Variants in RNGTT observed in about 807,000 individuals in gnomAD.
The protein encoded by RNGTT is RNA guanylyltransferase and 5'-phosphatase.
A neutral mutation model predicts 79.3 loss-of-function variants in RNGTT; 33 were observed. The ratio of observed to expected loss-of-function variants is 0.42; its 90% CI spans 0.32 to 0.56. The LOEUF (loss-of-function observed/expected upper bound fraction) is 0.56. Ranked by LOEUF, RNGTT falls within the 20% of genes least tolerant of loss-of-function variation. The pLI is 0.17. For missense variants in RNGTT, 497 were observed against 739.1 expected, an observed-to-expected ratio of 0.67 and a Z score of 3.80; for synonymous variants, 222 against 235.9, an observed-to-expected ratio of 0.94 and a Z score of 0.54.
chr6:88,618,727 T>G (rs372384949), intron 14 of RNGTT, among the ~76,000 whole-genome samples: 4 of 152,326 alleles, frequency 2.6e-5, no homozygotes, highest in South Asian at 4.1e-4. Flanking sequence ...TTTTATACTA[T>G]TTGAATCTAT....
intron 10 of RNGTT, 138 bp downstream of exon 10, chr6:88,849,616 TA>T (rs549427284): frequency 4.5e-4 from 278 of 616,164 alleles, no homozygotes; most frequent in African/African-American, 2.7e-3. Context: ...ATAAAAGGAT[TA>T]AAAAAAAGAT....
intron 8 of RNGTT, among the ~76,000 whole-genome samples, chr6:88,867,015 G>GTTTC (rs1782196241): frequency 1.3e-5 from 2 of 152,150 alleles, no homozygotes; most frequent in Non-Finnish European, 1.5e-5. Flanking sequence ...AATAGCATTA[G>GTTTC]CATCTCCTGG....
At position 88,721,940 on chromosome 6, in the gene RNGTT, TTCTC is replaced by T. The variant is rs566781568; in HGVS notation, c.1440-43525_1440-43522del. ...CAATGCTACCTTTTTAAATCTTGTT[TTCTC>T]TCTATTAGACTTAGGAACAACTAAG... On this transcript the variant is annotated intron_variant, in intron 13 of 15. Transcript: ENST00000369485. 5.6e-3 allele frequency among the ~76,000 whole-genome samples: 858 copies of T among 152,136 alleles called. 7 individuals are homozygous for T. The highest frequency in any genetic ancestry group is 7.6e-3 in the Non-Finnish European group (518 of 67,958).
At chr6:88,801,989 T>C (rs964907232) in intron 11 of RNGTT, among the ~76,000 whole-genome samples, 1 of 151,876 alleles carries the variant, frequency 6.6e-6, no homozygotes, top group Non-Finnish European at 1.5e-5. Flanking sequence ...AAGAAAGACA[T>C]AGAAGCAAAA....
rs1439126586 is a variant in RNGTT at position 88,863,455 on chromosome 6, T to C, written c.897-9691A>G. 2.0e-5 allele frequency among the ~76,000 whole-genome samples: 3 copies of C among 152,180 alleles called. No homozygotes were observed. The East Asian group carries it at 5.8e-4, about 29-fold the overall frequency. On this transcript the variant is annotated intron_variant, in intron 8 of 15. Transcript: ENST00000369485. ...AACTTTCATTTTAATTTTAGTTAAT[T>C]CATCACAAGTAAATTTTGAAGACGT...
intron 4 of RNGTT, among the ~76,000 whole-genome samples, chr6:88,916,146 C>T (rs1214958069): frequency 2.0e-5 from 3 of 152,116 alleles, no homozygotes; most frequent in Non-Finnish European, 4.4e-5. Flanking sequence ...AACTGGAACC[C>T]TCATACTGTG....
intron 9 of RNGTT, among the ~76,000 whole-genome samples, 172 bp from the exon 10 acceptor site, chr6:88,849,998 CA>C (rs1371927410): frequency 6.6e-6 from 1 of 151,772 alleles, no homozygotes; most frequent in Non-Finnish European, 1.5e-5. Flanking sequence ...GTTAGCCCCC[CA>C]TCCCCATCAT....
Position 88,610,752 on chromosome 6 carries a change from T to C in RNGTT, c.*1967A>G, listed in dbSNP as rs1393269287. 1 of 152,220 alleles carries C rather than the reference T, an allele frequency of 6.6e-6. No homozygotes were observed. Among genetic ancestry groups the C allele is most frequent in the African/African-American group, 2.4e-5 (1 of 41,458 alleles). The allele number at this position is 152,220 out of a possible 1,614,324, so 9.4% of individuals were successfully genotyped here. On this transcript the variant is annotated 3_prime_UTR_variant, in exon 16 of 16. Transcript: ENST00000369485. ...TCTGGGTGTATTAAAAGTGAGATGC[T>C]CTTTTCACGTAACTCATTTGAAAGG... is the stretch of plus-strand genomic sequence containing the variant.
chr6:88,864,544 T>C (rs1782110166), intron 8 of RNGTT, among the ~76,000 whole-genome samples: 1 of 152,068 alleles, frequency 6.6e-6, no homozygotes, highest in Admixed American at 6.6e-5. Context: ...CTCTTACTAA[T>C]TATGTAACTT....
At chr6:88,898,100 C>G (rs1783315071) in intron 6 of RNGTT, among the ~76,000 whole-genome samples, 1 of 152,042 alleles carries the variant, frequency 6.6e-6, no homozygotes, top group Non-Finnish European at 1.5e-5. Context: ...TATGCTGAGT[C>G]CTGAGTTATT....
intron 8 of RNGTT, among the ~76,000 whole-genome samples, chr6:88,884,717 A>T (rs1408119789): frequency 6.6e-6 from 1 of 152,088 alleles, no homozygotes; most frequent in Non-Finnish European, 1.5e-5. Flanking sequence ...TTGTATTACA[A>T]ATGAAAACTA....
At chr6:88,790,913 A>G (rs949516109) in intron 12 of RNGTT, among the ~76,000 whole-genome samples, 5 of 152,184 alleles carry the variant, frequency 3.3e-5, no homozygotes, top group African/African-American at 4.8e-5. Flanking sequence ...TTTTACAAAG[A>G]CAGAATCAGA....
chr6:88,955,663 G>A (rs1785403076), intron 1 of RNGTT, among the ~76,000 whole-genome samples: 1 of 151,648 alleles, frequency 6.6e-6, no homozygotes, highest in African/African-American at 2.4e-5. Context: ...AAACCCAGCA[G>A]AAGAAAAGAA....
Position 88,949,159 on chromosome 6 carries a change from GAAAAA to G in RNGTT, c.65-7984_65-7980del. ...AATAAAAAATAAAATAAAATAAAAT[GAAAAA>G]AAAAAAAAAAAAAAGAAAATGAAAA... On this transcript the variant is annotated intron_variant, in intron 1 of 15. Coordinates refer to ENST00000369485, the MANE Select transcript of RNGTT (RefSeq NM_003800.5). 1.6e-4 allele frequency among the ~76,000 whole-genome samples: 8 copies of G among 50,512 alleles called. No individual in the cohort carries two copies. The South Asian group carries it at 1.8e-3, about 12-fold the overall frequency. 33.1% of individuals were successfully genotyped at this position (50,512 alleles called of 152,430 possible).
chr6:88,917,873 C>A (rs1761912918), intron 4 of RNGTT, among the ~76,000 whole-genome samples: 1 of 151,618 alleles, frequency 6.6e-6, no homozygotes, highest in Admixed American at 6.6e-5. Context: ...GGCGACAGAG[C>A]GAGACACCAT....
chr6:88,640,662 G>C (rs1287715367), intron 14 of RNGTT, among the ~76,000 whole-genome samples: 1 of 151,986 alleles, frequency 6.6e-6, no homozygotes, highest in Non-Finnish European at 1.5e-5. Flanking sequence ...TCAAAACTGA[G>C]GTTTTAAAAA....
intron 8 of RNGTT, among the ~76,000 whole-genome samples, chr6:88,857,220 G>A (rs1360983483): frequency 6.6e-6 from 1 of 152,064 alleles, no homozygotes; most frequent in Non-Finnish European, 1.5e-5. Context: ...TAAAGAGAAG[G>A]AAAACTGACA....
intron 15 of RNGTT, 48 bp downstream of exon 15, chr6:88,614,221 CCTT>C: frequency 6.3e-7 from 1 of 1,592,398 alleles, no homozygotes; most frequent in Non-Finnish European, 8.6e-7. Context: ...GGGTCTAACA[CCTT>C]AATTTTTGTT....
intron 14 of RNGTT, among the ~76,000 whole-genome samples, chr6:88,617,221 G>A (rs57168953): frequency 6.6e-6 from 1 of 152,250 alleles, no homozygotes; most frequent in Non-Finnish European, 1.5e-5. Flanking sequence ...AGTGAGCTGA[G>A]ATCGTGCCAC....
Sources: gnomAD v4.1 joint callset for allele counts (sites outside exome capture counted in the v4.1 genomes callset) on GRCh38, gnomAD v4.1.1 for gene constraint, MANE v1.5 for transcripts, NCBI Gene and HGNC (gene_info 2026-07-23, HGNC 2026-07-21) for gene names.